Variants in EIF4EBP1 observed in about 807,000 individuals in gnomAD.
EIF4EBP1 encodes the protein eukaryotic translation initiation factor 4E-binding protein 1.
In EIF4EBP1, 5 loss-of-function variants were observed where a neutral mutation model predicts 9.2. The ratio of observed to expected loss-of-function variants is 0.54; its 90% CI spans 0.28 to 1.14. The LOEUF is 1.14. Among genes scored for constraint, EIF4EBP1 ranks in the 50% most tolerant of loss-of-function variants. The pLI, the probability that EIF4EBP1 is intolerant of heterozygous loss-of-function variation, is 0.09. For missense variants in EIF4EBP1, 139 were observed against 169.6 expected, an observed-to-expected ratio of 0.82 and a Z score of 1.00; for synonymous variants, 62 against 67.0, an observed-to-expected ratio of 0.93 and a Z score of 0.36.
intron 1 of EIF4EBP1, among the ~76,000 whole-genome samples, chr8:38,046,190 T>A (rs1224935964): frequency 6.6e-6 from 1 of 152,064 alleles, no homozygotes; most frequent in African/African-American, 2.4e-5. Flanking sequence ...GGCGTGAGCT[T>A]CCCCACCCGG....
In EIF4EBP1 at chr8:38,030,707, C is replaced by A; in HGVS notation, c.134C>A (p.Thr45Asn). 7.0e-7 allele frequency: 1 copy of A among 1,430,640 alleles called. No homozygotes were observed. The highest frequency in any genetic ancestry group is 9.1e-7 in the Non-Finnish European group (1 of 1,097,506). The allele number at this position is 1,430,640 out of a possible 1,614,324, so 88.6% of individuals were successfully genotyped here. A position where few individuals can be genotyped will look rare whatever the true frequency, so the allele number is the denominator to read the frequency against. Residue 45 changes from threonine to asparagine, a missense_variant, in exon 1 of 3, where the codon ACC (threonine) becomes AAC (asparagine). Physicochemically the swap from Thr to Asn is moderately conservative, Grantham distance 65. Coordinates refer to ENST00000338825, the MANE Select transcript of EIF4EBP1 (RefSeq NM_004095.4). ...ACCCCCGGCGGCACGCTCTTCAGCA[C>A]CACCCCGGGAGGTAGGCGCGGGCTT... ...STTPGGTLFS[T>N]TPGGTRIIYD...
At chr8:38,059,762 AAAAAAC>A in intron 2 of EIF4EBP1, 136 bp from the exon 3 acceptor site, 8 of 849,418 alleles carry the variant, frequency 9.4e-6, no homozygotes, top group Non-Finnish European at 1.3e-5. Context: ...TCTCAAAAAA[AAAAAAC>A]AAAAAAACAA....
chr8:38,032,172 T>C (rs1418480064), intron 1 of EIF4EBP1, among the ~76,000 whole-genome samples: 1 of 152,210 alleles, frequency 6.6e-6, no homozygotes, highest in Non-Finnish European at 1.5e-5. Flanking sequence ...TTTTGCACTC[T>C]TTATTGCTGG....
At chr8:38,049,822 C>A (rs1174615409) in intron 1 of EIF4EBP1, among the ~76,000 whole-genome samples, 1 of 151,932 alleles carries the variant, frequency 6.6e-6, no homozygotes, top group Admixed American at 6.6e-5. Context: ...TTATTAGTTT[C>A]TCTTTTCTCC....
chr8:38,031,821 T>C (rs1227573754), intron 1 of EIF4EBP1, among the ~76,000 whole-genome samples: 4 of 152,228 alleles, frequency 2.6e-5, no homozygotes, highest in African/African-American at 9.6e-5. Context: ...GAGCCCGGCA[T>C]TGAGGCCCCA....
rs145766208 is a variant in EIF4EBP1, at chr8:38,055,184, G to A, written c.146-1897G>A. 3.5e-4 allele frequency among the ~76,000 whole-genome samples: 53 copies of A among 152,134 alleles called. No homozygotes were observed. The East Asian group carries it at 9.1e-3, about 26-fold the overall frequency. On this transcript the variant is annotated intron_variant, in intron 1 of 2. Coordinates refer to ENST00000338825, the MANE Select transcript of EIF4EBP1 (RefSeq NM_004095.4). ...ATTCCTCTGCCCTTCAGCATCTCAC[G>A]TCATCCTCAGCACAGAGCCCCGTTT... is the stretch of plus-strand genomic sequence containing the variant.
At chr8:38,038,006 T>C (rs1021102532) in intron 1 of EIF4EBP1, among the ~76,000 whole-genome samples, 3 of 150,514 alleles carry the variant, frequency 2.0e-5, no homozygotes, top group African/African-American at 7.3e-5. Flanking sequence ...ACTCCTGGGC[T>C]CAAGAGATCC....
chr8:38,043,051 A>G (rs1028642786), intron 1 of EIF4EBP1, among the ~76,000 whole-genome samples: 17 of 152,200 alleles, frequency 1.1e-4, no homozygotes, highest in African/African-American at 3.9e-4. Flanking sequence ...TGGGTGACAG[A>G]GTGAGACCCC....
At chr8:38,031,664 C>T (rs1245072559) in intron 1 of EIF4EBP1, among the ~76,000 whole-genome samples, 2 of 152,198 alleles carry the variant, frequency 1.3e-5, no homozygotes, top group Admixed American at 6.5e-5. Flanking sequence ...GGCTAGGTGG[C>T]GGGCGGGGGC....
At chr8:38,033,129 A>G (rs2130377006) in intron 1 of EIF4EBP1, among the ~76,000 whole-genome samples, 1 of 148,004 alleles carries the variant, frequency 6.8e-6, no homozygotes, top group East Asian at 2.0e-4. Flanking sequence ...CAGTGGCGCA[A>G]TCTCAGCTCA....
At chr8:38,059,753 C>G in intron 2 of EIF4EBP1, 151 bp from the exon 3 acceptor site, 1 of 743,440 alleles carries the variant, frequency 1.3e-6, no homozygotes, top group Non-Finnish European at 2.1e-6. Flanking sequence ...GAGACTCCAT[C>G]TCAAAAAAAA....
Position 38,043,561 on chromosome 8 carries a change from G to T in EIF4EBP1, c.145+12843G>T, listed in dbSNP as rs113516685. ...AGAGTTTCAACACGTTGGCATGCTG[G>T]TCTCAAACTCCTGACCTCAGGCGAT... On this transcript the variant is annotated intron_variant, in intron 1 of 2. Coordinates refer to ENST00000338825, the MANE Select transcript of EIF4EBP1 (RefSeq NM_004095.4). Among the ~76,000 whole-genome samples, 997 of 151,982 alleles carry T rather than the reference G, an allele frequency of 6.6e-3. 6 individuals carry two copies. The highest frequency in any genetic ancestry group is 0.023 in the African/African-American group (966 of 41,456).
At chr8:38,043,198 T>A (rs948100202) in intron 1 of EIF4EBP1, among the ~76,000 whole-genome samples, 1 of 152,152 alleles carries the variant, frequency 6.6e-6, no homozygotes, top group African/African-American at 2.4e-5. Flanking sequence ...GGTCATTCCC[T>A]ATTGGTAATG....
At chr8:38,050,565 G>T (rs1809506194) in intron 1 of EIF4EBP1, among the ~76,000 whole-genome samples, 1 of 152,056 alleles carries the variant, frequency 6.6e-6, no homozygotes, top group African/African-American at 2.4e-5. Flanking sequence ...GCTCAGGCTG[G>T]TCTCAAACTC....
Position 38,055,528 on chromosome 8 carries a change from C to T in EIF4EBP1, c.146-1553C>T, listed in dbSNP as rs1166638058. Among the ~76,000 whole-genome samples, 5 of 151,852 alleles carry T rather than the reference C, an allele frequency of 3.3e-5. No individual in the cohort carries two copies. In the South Asian group the frequency reaches 6.2e-4, roughly 19 times the overall value. ...AATTATTACCATACCTTGCATTCCA[C>T]TTGTACAGATATTTAATATTTCTTT... On this transcript the variant is annotated intron_variant, in intron 1 of 2. Transcript: ENST00000338825.
chr8:38,056,851 C>T (rs926692767), intron 1 of EIF4EBP1, among the ~76,000 whole-genome samples: 31 of 151,798 alleles, frequency 2.0e-4, no homozygotes, highest in African/African-American at 6.8e-4. Context: ...TTAGTAGAGA[C>T]GGGGTTTCAC....
intron 2 of EIF4EBP1, 30 bp downstream of exon 2, chr8:38,057,290 C>T: frequency 6.6e-7 from 1 of 1,512,132 alleles, no homozygotes; most frequent in Non-Finnish European, 8.8e-7. Context: ...CAGGCTCTAC[C>T]TTGGGAAAGG....
chr8:38,036,510 G>A (rs1307726701), intron 1 of EIF4EBP1, among the ~76,000 whole-genome samples: 1 of 152,090 alleles, frequency 6.6e-6, no homozygotes, highest in East Asian at 1.9e-4. Flanking sequence ...CTTCCTAAAA[G>A]ACCAAAAAAG....
intron 1 of EIF4EBP1, among the ~76,000 whole-genome samples, chr8:38,039,332 A>T (rs1240152012): frequency 6.6e-6 from 1 of 151,580 alleles, no homozygotes; most frequent in African/African-American, 2.4e-5. Flanking sequence ...AGGCTAATGT[A>T]AGTGTTCTGA....
Sources: allele counts gnomAD v4.1 joint callset (sites outside exome capture counted in the v4.1 genomes callset), GRCh38; gene constraint gnomAD v4.1.1; transcripts MANE v1.5; gene names NCBI Gene and HGNC (gene_info 2026-07-23, HGNC 2026-07-21).